Variants in STK3 observed in about 807,000 individuals in gnomAD.
STK3 encodes the protein serine/threonine kinase 3.
STK3 carries 41 observed loss-of-function variants against 58.0 expected under a neutral mutation model. That is an observed-to-expected ratio of 0.71 (90% CI 0.55 to 0.92). The LOEUF (loss-of-function observed/expected upper bound fraction) is 0.92, where lower values mean the gene tolerates loss of function less well. Among genes scored for constraint, STK3 ranks in the 40% least tolerant of loss-of-function variants. The pLI, the probability that STK3 is intolerant of heterozygous loss-of-function variation, is 0.00. For synonymous variants in STK3, 170 were observed against 191.0 expected, an observed-to-expected ratio of 0.89 and a Z score of 0.91; for missense variants, 479 against 602.7, an observed-to-expected ratio of 0.79 and a Z score of 2.15.
intron 2 of STK3, among the ~76,000 whole-genome samples, chr8:98,377,789 G>A (rs979013603): frequency 1.4e-4 from 21 of 152,158 alleles, no homozygotes; most frequent in African/African-American, 5.1e-4. Context: ...CATGGACAAG[G>A]TGTGAGTCTC....
chr8:98,533,020 C>T (rs2131515623), intron 9 of STK3, among the ~76,000 whole-genome samples: 1 of 152,106 alleles, frequency 6.6e-6, no homozygotes, highest in Admixed American at 6.5e-5. Context: ...CATGTTGTGG[C>T]ATGTGTCAGC....
chr8:98,363,545 C>T, the STK3 span, among the ~76,000 whole-genome samples: 3 of 152,100 alleles, frequency 2.0e-5, no homozygotes, highest in Non-Finnish European at 4.4e-5. Context: ...TTAAATTAAA[C>T]AATCACTAAG....
At chr8:98,778,025 A>G (rs1831819639) in intron 1 of STK3, among the ~76,000 whole-genome samples, 1 of 152,234 alleles carries the variant, frequency 6.6e-6, no homozygotes, top group Non-Finnish European at 1.5e-5. Context: ...CAAAATTGAC[A>G]AATGGGATCT....
chr8:98,804,908 T>C (rs1171553444), intron 1 of STK3, among the ~76,000 whole-genome samples: 1 of 152,198 alleles, frequency 6.6e-6, no homozygotes, highest in Non-Finnish European at 1.5e-5. Context: ...GTGGTTATGC[T>C]AATGGCGGAA....
At position 98,931,401 on chromosome 8, in the gene STK3, A is replaced by G. The variant is rs1243081374; in HGVS notation, c.-79+10977T>C. On this transcript the variant is annotated intron_variant, in intron 1 of 1. Coordinates refer to the STK3 transcript ENST00000519420. ...CTTTATGGAAGTAAGTAGAATGCTG[A>G]AAAAGTACACATTGTGCTCTGTGGA... Among the ~76,000 whole-genome samples the G allele has an allele frequency of 3.3e-5, 5 of 152,208 alleles. No homozygotes were observed. The South Asian group carries it at 1.0e-3, about 32-fold the overall frequency.
intron 1 of STK3, among the ~76,000 whole-genome samples, chr8:98,902,562 T>A (rs1838697673): frequency 6.6e-6 from 1 of 152,170 alleles, no homozygotes; most frequent in South Asian, 2.1e-4. Flanking sequence ...ATCACAAATC[T>A]CTCTCAATTC....
At chr8:98,353,891 A>G in the STK3 span, among the ~76,000 whole-genome samples, 1 of 152,166 alleles carries the variant, frequency 6.6e-6, no homozygotes, top group East Asian at 1.9e-4. Context: ...GACAGAAATA[A>G]TAGTGACCAC....
intron 4 of STK3, among the ~76,000 whole-genome samples, chr8:98,743,498 T>C (rs557392976): frequency 3.9e-5 from 6 of 152,268 alleles, no homozygotes; most frequent in Non-Finnish European, 8.8e-5. Flanking sequence ...GATTCCCTAT[T>C]TAATAAATGG....
chr8:98,393,701 T>A (rs1000764016), intron 3 of STK3: 2 of 151,782 alleles, frequency 1.3e-5, no homozygotes, highest in Non-Finnish European at 2.9e-5. Flanking sequence ...GACCTTTATA[T>A]CCTCTTATCC....
chr8:98,526,450 A>T (rs1254870705), intron 10 of STK3: 4 of 189,950 alleles, frequency 2.1e-5, no homozygotes, highest in African/African-American at 9.3e-5. Flanking sequence ...TATTGAAAAC[A>T]TCTTTTAAAA....
intron 1 of STK3, among the ~76,000 whole-genome samples, chr8:98,903,557 C>CTTCTTCTTT (rs1564093746): frequency 1.0e-4 from 1 of 9,928 alleles, no homozygotes; most frequent in Non-Finnish European, 2.2e-4. Context: ...CTTCTTCTTC[C>CTTCTTCTTT]TTTTTTTTTT....
chr8:98,506,758 C>A (rs562379273), intron 10 of STK3, among the ~76,000 whole-genome samples: 4 of 152,046 alleles, frequency 2.6e-5, no homozygotes, highest in Non-Finnish European at 5.9e-5. Flanking sequence ...AAAGACTCAA[C>A]GAATGCAGCT....
At chr8:98,401,531 A>G (rs973676076) in intron 3 of STK3, 2 of 152,158 alleles carry the variant, frequency 1.3e-5, no homozygotes, top group Non-Finnish European at 2.9e-5. Flanking sequence ...AACAGAATGG[A>G]TTGTTCATTT....
At chr8:98,399,617 T>C (rs1018069323), downstream of STK3, among the ~76,000 whole-genome samples, 2 of 152,220 alleles carry the variant, frequency 1.3e-5, no homozygotes. Context: ...GTTTCCTTAT[T>C]TGCAAAATAA....
At chr8:98,466,487 T>C (rs1820471911) in intron 10 of STK3, among the ~76,000 whole-genome samples, 1 of 152,176 alleles carries the variant, frequency 6.6e-6, no homozygotes, top group African/African-American at 2.4e-5. Context: ...TAAGTGCAAA[T>C]TTTGTCCCTT....
chr8:98,895,854 C>A (rs1002460508), intron 1 of STK3, among the ~76,000 whole-genome samples: 2 of 152,130 alleles, frequency 1.3e-5, no homozygotes, highest in African/African-American at 2.4e-5. Flanking sequence ...CAGAAATTAT[C>A]CTAATGGTTA....
chr8:98,849,918 G>C (rs1484471480), intron 3 of STK3, among the ~76,000 whole-genome samples: 1 of 152,104 alleles, frequency 6.6e-6, no homozygotes, highest in Non-Finnish European at 1.5e-5. Flanking sequence ...GGCATGAGAG[G>C]TTACTGAAAG....
At chr8:98,693,403 A>AGAT (rs1824563861) in intron 6 of STK3, among the ~76,000 whole-genome samples, 1 of 152,094 alleles carries the variant, frequency 6.6e-6, no homozygotes, top group African/African-American at 2.4e-5. Context: ...AGAAGAAAGA[A>AGAT]GATGATGATG....
At chr8:98,781,417 A>G (rs567323476) in intron 1 of STK3, among the ~76,000 whole-genome samples, 1 of 152,288 alleles carries the variant, frequency 6.6e-6, no homozygotes, top group East Asian at 1.9e-4. Context: ...CACTCCTCAA[A>G]GCCCAGCAAA....
Sources: allele counts gnomAD v4.1 joint callset (sites outside exome capture counted in the v4.1 genomes callset), GRCh38; gene constraint gnomAD v4.1.1; transcripts MANE v1.5; gene names NCBI Gene and HGNC (gene_info 2026-07-23, HGNC 2026-07-21).